Variants in HYLS1 observed in about 807,000 individuals in gnomAD.
HYLS1 encodes the protein centriolar and ciliogenesis-associated protein HYLS1.
A neutral mutation model predicts 29.4 loss-of-function variants in HYLS1; 25 were observed. The ratio of observed to expected loss-of-function variants is 0.85; its 90% CI spans 0.62 to 1.19. The LOEUF is 1.19. Among genes scored for constraint, HYLS1 ranks in the 50% most tolerant of loss-of-function variants. The probability of loss-of-function intolerance (pLI) is 0.00; values close to 1 mark genes in which losing one functional copy is unlikely to be tolerated. For synonymous variants in HYLS1, 128 were observed against 126.7 expected (o/e 1.01, Z -0.07); for missense variants, 352 against 365.1 (o/e 0.96, Z 0.29).
intron 2 of HYLS1, chr11:125,893,748 A>G (rs917872498): frequency 5.3e-6 from 8 of 1,510,002 alleles, no homozygotes; most frequent in Non-Finnish European, 6.2e-6. Flanking sequence ...TCCACCTACC[A>G]TTAGGTGGTT....
At chr11:125,896,418 AAAG>A (rs1944593677) in intron 2 of HYLS1, 1 of 912,020 alleles carries the variant, frequency 1.1e-6, no homozygotes, top group African/African-American at 1.6e-5. Flanking sequence ...TTTAATGCCC[AAAG>A]AATATACTTT....
upstream of HYLS1, among the ~76,000 whole-genome samples, chr11:125,884,451 T>C (rs1944275016): frequency 6.9e-6 from 1 of 144,660 alleles, no homozygotes; most frequent in South Asian, 2.2e-4. Flanking sequence ...CTACTAAAAA[T>C]ACAAAAAATT....
chr11:125,885,066 C>T (rs1477880127), upstream of HYLS1, among the ~76,000 whole-genome samples: 2 of 152,274 alleles, frequency 1.3e-5, no homozygotes, highest in Middle Eastern at 3.4e-3. Flanking sequence ...ACACAAGATA[C>T]CACTTGCAAT....
In HYLS1 at chr11:125,900,264, CTTAAATCTTTTTA is replaced by C; in HGVS notation, c.897_*9del. 6.2e-7 allele frequency: 1 copy of C among 1,614,022 alleles called. No homozygotes were observed. Among genetic ancestry groups the C allele is most frequent in the Non-Finnish European group, 8.5e-7 (1 of 1,179,914 alleles). On this transcript the variant is annotated stop_lost and 3_prime_UTR_variant, in exon 3 of 3. Transcript: ENST00000425380. ...AAGCTTCCCTTCCCTCTTTCTCCTT[CTTAAATCTTTTTA>C]AACTTCTTTCACAGGATTGTTTGAG...
intron 2 of HYLS1, among the ~76,000 whole-genome samples, chr11:125,898,367 T>G (rs1261269479): frequency 6.6e-6 from 1 of 152,144 alleles, no homozygotes; most frequent in Non-Finnish European, 1.5e-5. Flanking sequence ...TAAACAGATT[T>G]AGCTGGCAAC....
chr11:125,895,623 G>C, intron 2 of HYLS1: 1 of 1,614,262 alleles, frequency 6.2e-7, no homozygotes. Flanking sequence ...ACTGAAGCTT[G>C]GTTCTACAGG....
chr11:125,893,800 A>C (rs1217718619), intron 2 of HYLS1: 4 of 1,608,250 alleles, frequency 2.5e-6, no homozygotes, highest in Non-Finnish European at 1.7e-6. Flanking sequence ...TGATGCTTTT[A>C]ATTTCTGTGT....
rs1381781343 is a variant in HYLS1 at position 125,900,200 on chromosome 11, G to A, written c.832G>A (p.Gly278Ser). ...TEKKRSALRWGVRCDLANGVI... is the reference protein window; with the variant it reads ...TEKKRSALRWSVRCDLANGVI... ...GAAGAAAAGGTCTGCACTCCGTTGG[G>A]GTGTTCGTTGTGACCTTGCAAATGG... The change falls in exon 3 of 3, where the codon GGT becomes AGT. Residue 278 changes from glycine (G) to serine (S), a missense_variant. Transcript: ENST00000425380. 1 of 1,614,096 alleles carries A rather than the reference G, an allele frequency of 6.2e-7. No homozygotes were observed.
chr11:125,892,015 T>C (rs890337852), intron 2 of HYLS1, among the ~76,000 whole-genome samples: 19 of 152,218 alleles, frequency 1.2e-4, no homozygotes, highest in African/African-American at 4.6e-4. Context: ...TTTGTATACC[T>C]GAAGTCTTGA....
chr11:125,900,587 G>T lies in HYLS1; in HGVS notation c.*319G>T. On this transcript the variant is annotated 3_prime_UTR_variant, in exon 3 of 3. Transcript: ENST00000425380. The stretch of plus-strand genomic sequence containing the variant: ...TATCAATATGAGTTGCTGTGCTTCA[G>T]TGTGTGTTTTTTAAGTTGCTGGGCA... The T allele has an allele frequency of 5.8e-6, 2 of 347,500 alleles. No homozygotes were observed. Among genetic ancestry groups the T allele is most frequent in the South Asian group, 2.9e-5 (1 of 34,256 alleles). The allele number at this position is 347,500 out of a possible 1,614,324, so 21.5% of individuals were successfully genotyped here.
At chr11:125,896,758 C>T (rs186697913) in intron 2 of HYLS1, among the ~76,000 whole-genome samples, 74 of 152,210 alleles carry the variant, frequency 4.9e-4, no homozygotes, top group African/African-American at 1.7e-3. Flanking sequence ...GTTTCTATTG[C>T]TTTCCATTAT....
At chr11:125,896,297 C>T in intron 2 of HYLS1, 1 of 1,597,426 alleles carries the variant, frequency 6.3e-7, no homozygotes, top group Non-Finnish European at 8.6e-7. Flanking sequence ...TATGACAACC[C>T]CAGGAATAAA....
At chr11:125,895,656 T>C (rs1394251592) in intron 2 of HYLS1, 1 of 1,614,082 alleles carries the variant, frequency 6.2e-7, no homozygotes, top group Admixed American at 1.7e-5. Context: ...TATACGGATG[T>C]CTGGAGGGAG....
intron 2 of HYLS1, among the ~76,000 whole-genome samples, chr11:125,892,134 C>A (rs574749290): frequency 6.6e-6 from 1 of 152,226 alleles, no homozygotes; most frequent in Non-Finnish European, 1.5e-5. Flanking sequence ...TAAGTAAAAT[C>A]TTTCAAGGTT....
In HYLS1 at chr11:125,900,638, G is replaced by A. The variant is rs1419790074; in HGVS notation, c.*370G>A. On this transcript the variant is annotated 3_prime_UTR_variant, in exon 3 of 3. Coordinates refer to ENST00000425380, the MANE Select transcript of HYLS1 (RefSeq NM_001134793.2). ...TTACACTTACCAATTAAAGAATTTT[G>A]GAAATTCATGAACTTGAACATTATT... The A allele has an allele frequency of 3.8e-6, 1 of 260,554 alleles. No individual in the cohort carries two copies. Among genetic ancestry groups the A allele is most frequent in the East Asian group, 1.2e-4 (1 of 8,442 alleles). The allele number at this position is 260,554 out of a possible 1,614,324, so 16.1% of individuals were successfully genotyped here.
At chr11:125,893,675 T>TAAGAGCTGACCATCTGAATTCCTAGTAC in intron 2 of HYLS1, 1 of 795,228 alleles carries the variant, frequency 1.3e-6, no homozygotes. Context: ...TTTTTTTCTT[T>TAAGAGCTGACCATCTGAATTCCTAGTAC]TAAGAGCTGA....
At chr11:125,884,347 T>C (rs1591489535), upstream of HYLS1, among the ~76,000 whole-genome samples, 1 of 152,206 alleles carries the variant, frequency 6.6e-6, no homozygotes, top group South Asian at 2.1e-4. Context: ...CGGTGGCGGG[T>C]GCCTGTAGTC....
upstream of HYLS1, among the ~76,000 whole-genome samples, chr11:125,885,726 G>A (rs1342175252): frequency 6.6e-6 from 1 of 152,232 alleles, no homozygotes; most frequent in Non-Finnish European, 1.5e-5. Flanking sequence ...CAAGGCAGGG[G>A]GTAAGCCGTA....
At chr11:125,897,687 G>A (rs1328932450) in intron 2 of HYLS1, among the ~76,000 whole-genome samples, 1 of 152,170 alleles carries the variant, frequency 6.6e-6, no homozygotes, top group African/African-American at 2.4e-5. Context: ...TCAAGGAAGT[G>A]ACTGCAAAGA....
Sources: allele counts gnomAD v4.1 joint callset (sites outside exome capture counted in the v4.1 genomes callset), GRCh38; gene constraint gnomAD v4.1.1; transcripts MANE v1.5; gene names NCBI Gene and HGNC (gene_info 2026-07-23, HGNC 2026-07-21).